The following USP53 variants were observed in gnomAD, a reference collection of about 807,000 sequenced individuals.
USP53 encodes ubiquitin carboxyl-terminal hydrolase 53.
Under a neutral mutation model 94.9 loss-of-function variants are expected in USP53, and 71 were observed. That is an observed-to-expected ratio of 0.75 (90% CI 0.62 to 0.91). USP53 has a LOEUF of 0.91. Among genes scored for constraint, USP53 ranks in the 40% least tolerant of loss-of-function variants. USP53 has a pLI of 0.00. For synonymous variants in USP53, 375 were observed against 422.7 expected, an observed-to-expected ratio of 0.89 and a Z score of 1.39; for missense variants, 1,173 against 1,281.0, an observed-to-expected ratio of 0.92 and a Z score of 1.29.
chr4:119,224,510 ATGT>A (rs1744989479), intron 3 of USP53, among the ~76,000 whole-genome samples: 1 of 152,226 alleles, frequency 6.6e-6, no homozygotes, highest in Admixed American at 6.5e-5. Flanking sequence ...GTGCATTTAA[ATGT>A]TGTGGAGTTA....
chr4:119,270,336 G>A (rs1751691762), intron 15 of USP53, among the ~76,000 whole-genome samples: 2 of 151,882 alleles, frequency 1.3e-5, no homozygotes, highest in South Asian at 2.1e-4. Flanking sequence ...GGCCTCAAAC[G>A]ATCCTCTTAC....
At chr4:119,216,359 C>T (rs138533353) in intron 2 of USP53, among the ~76,000 whole-genome samples, 475 of 147,790 alleles carry the variant, frequency 3.2e-3, no homozygotes, top group African/African-American at 4.8e-3. Flanking sequence ...ACATCCTGGG[C>T]GACCGAGTGA....
At position 119,235,282 on chromosome 4, in the gene USP53, G is replaced by C. The variant is rs1159735809; in HGVS notation, c.-664-8G>C. On this transcript the variant is annotated splice_polypyrimidine_tract_variant and splice_region_variant and intron_variant, in intron 3 of 18. Transcript: ENST00000692078. The stretch of plus-strand genomic sequence containing the variant: ...CCCAGAGTTTTTGTTGTTGTTGTTT[G>C]TTTTTAGAGACAGCATCTTGCTGCC... 2.6e-5 allele frequency: 4 copies of C among 152,172 alleles called. No homozygotes were observed. Among genetic ancestry groups the C allele is most frequent in the Admixed American group, 2.6e-4 (4 of 15,260 alleles). The allele number at this position is 152,172 out of a possible 1,614,324, so 9.4% of individuals were successfully genotyped here.
At chr4:119,237,541 A>G (rs1009564190) in intron 4 of USP53, among the ~76,000 whole-genome samples, 3 of 145,662 alleles carry the variant, frequency 2.1e-5, no homozygotes, top group African/African-American at 7.4e-5. Context: ...GTTTGAAAAA[A>G]TTAAAAAATA....
At chr4:119,285,359 A>G (rs1753979539) in intron 17 of USP53, among the ~76,000 whole-genome samples, 1 of 151,896 alleles carries the variant, frequency 6.6e-6, no homozygotes, top group South Asian at 2.1e-4. Flanking sequence ...TATAGATCAT[A>G]TGTAACAGAT....
intron 13 of USP53, among the ~76,000 whole-genome samples, chr4:119,268,059 CG>C (rs1489807428): frequency 4.7e-5 from 7 of 149,952 alleles, no homozygotes; most frequent in African/African-American, 1.7e-4. Context: ...CCCAGCTACT[CG>C]GGAGGCTGAG....
rs1751437384 is a variant in USP53 at position 119,268,314 on chromosome 4, T to G, written c.1182T>G (p.Asn394Lys). The G allele has an allele frequency of 6.2e-7, 1 of 1,613,356 alleles. No individual in the cohort carries two copies. The highest frequency in any genetic ancestry group is 1.3e-5 in the African/African-American group (1 of 74,890). Residue 394 changes from asparagine (N) to lysine (K), a missense_variant, in exon 14 of 19, where the codon AAT becomes AAG. By Grantham distance (94) the Asn-to-Lys change is moderately conservative. Coordinates refer to ENST00000692078, the MANE Select transcript of USP53 (RefSeq NM_001371395.1). ...ATAAGTCAGATAATTTAAAAGAAAATGGATTTGGTGATCAGGCAAAGCAGA... is the reference window on the plus strand; with the variant it reads ...ATAAGTCAGATAATTTAAAAGAAAAGGGATTTGGTGATCAGGCAAAGCAGA... ...VIHKSDNLKE[N>K]GFGDQAKQRE... is the part of the protein sequence containing the mutation.
intron 3 of USP53, among the ~76,000 whole-genome samples, chr4:119,227,136 T>C (rs1745357065): frequency 6.6e-6 from 1 of 152,122 alleles, no homozygotes; most frequent in African/African-American, 2.4e-5. Context: ...CTGGCTATAA[T>C]CAATTAATTT....
chr4:119,293,623 GGAAGTA>G lies in USP53; in HGVS notation c.*413_*418del, dbSNP rs1260232851. On this transcript the variant is annotated 3_prime_UTR_variant, in exon 19 of 19. Coordinates refer to ENST00000692078, the MANE Select transcript of USP53 (RefSeq NM_001371395.1). Reference sequence around the variant, plus strand: ...CCCCTATTTTGTGGCCAGTAGACTGGGAAGTATTAAACTAACCAGTACTCATGTATG... The same window carrying G: ...CCCCTATTTTGTGGCCAGTAGACTGGTTAAACTAACCAGTACTCATGTATG... The G allele has an allele frequency of 3.8e-5, 6 of 159,270 alleles. No homozygotes were observed. In the East Asian group the frequency reaches 5.5e-4, roughly 15 times the overall value. The allele number at this position is 159,270 out of a possible 1,614,324, so 9.9% of individuals were successfully genotyped here.
At chr4:119,262,066 C>A (rs552997394) in intron 12 of USP53, among the ~76,000 whole-genome samples, 1 of 152,074 alleles carries the variant, frequency 6.6e-6, no homozygotes, top group African/African-American at 2.4e-5. Flanking sequence ...GCTTTTAAAC[C>A]AGTCCATTTC....
chr4:119,213,660 A>ATATATGTGTGTGTGTGTGTGTGTGTGTG lies in USP53; in HGVS notation c.-941-409_-941-408insATATGTGTGTGTGTGTGTGTGTGTGTGT. The stretch of plus-strand genomic sequence containing the variant: ...GAAATAGATATATATATATATATAT[A>ATATATGTGTGTGTGTGTGTGTGTGTGTG]TGTGTGTGTGTGTATGTATGTATGT... On this transcript the variant is annotated intron_variant, in intron 1 of 18. Coordinates refer to ENST00000692078, the MANE Select transcript of USP53 (RefSeq NM_001371395.1). Among the ~76,000 whole-genome samples, 65 of 117,768 alleles carry ATATATGTGTGTGTGTGTGTGTGTGTGTG rather than the reference A, an allele frequency of 5.5e-4. 1 individual carries two copies. The highest frequency in any genetic ancestry group is 2.0e-3 in the African/African-American group (56 of 27,778). The allele number at this position is 117,768 out of a possible 152,430, so 77.3% of individuals were successfully genotyped here.
At chr4:119,287,254 G>C (rs1044797297) in intron 17 of USP53, among the ~76,000 whole-genome samples, 13 of 151,922 alleles carry the variant, frequency 8.6e-5, no homozygotes, top group African/African-American at 2.9e-4. Flanking sequence ...CAGCAATTTA[G>C]TGGAAGTAAA....
rs1343153822 is a variant in USP53 at position 119,294,386 on chromosome 4, A to G, written c.*1175A>G. 2.0e-5 allele frequency: 3 copies of G among 152,176 alleles called. No individual in the cohort carries two copies. Among genetic ancestry groups the G allele is most frequent in the Middle Eastern group, 6.8e-3 (2 of 294 alleles). 9.4% of individuals were successfully genotyped at this position (152,176 alleles called of 1,614,324 possible). A position where few individuals can be genotyped will look rare whatever the true frequency, so the allele number is the denominator to read the frequency against. Reference sequence around the variant, plus strand: ...AACAAATAGTAATTTTACCCCAACTACTTTTCATGAAGAGTGCTTTGAAAA... The same window carrying G: ...AACAAATAGTAATTTTACCCCAACTGCTTTTCATGAAGAGTGCTTTGAAAA... On this transcript the variant is annotated 3_prime_UTR_variant, in exon 19 of 19. Transcript: ENST00000692078.
At chr4:119,248,680 T>G (rs1748567246) in intron 6 of USP53, 68 bp from the exon 7 acceptor site, 2 of 1,557,022 alleles carry the variant, frequency 1.3e-6, no homozygotes, top group Admixed American at 3.8e-5. Flanking sequence ...TTCTCTGTGT[T>G]GTAATGAAAT....
intron 17 of USP53, among the ~76,000 whole-genome samples, chr4:119,289,979 A>C (rs1367260874): frequency 6.6e-6 from 1 of 152,194 alleles, no homozygotes; most frequent in Non-Finnish European, 1.5e-5. Context: ...ATTGTATTAA[A>C]GATTAGAGGG....
upstream of USP53, chr4:119,212,660 G>A (rs935278441): frequency 1.4e-4 from 48 of 353,320 alleles, 1 homozygote; most frequent in Middle Eastern, 1.0e-3. Context: ...GTATGCGCAT[G>A]CTCCGCTCAC....
At chr4:119,254,823 G>A (rs1370008747) in intron 7 of USP53, among the ~76,000 whole-genome samples, 1 of 152,154 alleles carries the variant, frequency 6.6e-6, no homozygotes, top group Non-Finnish European at 1.5e-5. Flanking sequence ...GTAATTTTCA[G>A]CCTTTCTGCT....
chr4:119,240,520 T>C (rs921820235), intron 5 of USP53, among the ~76,000 whole-genome samples: 1 of 152,190 alleles, frequency 6.6e-6, no homozygotes, highest in Admixed American at 6.5e-5. Context: ...ATTTTATAGA[T>C]CCTGTGTCCT....
chr4:119,292,919 T>C lies in USP53; in HGVS notation c.2930T>C (p.Met977Thr), dbSNP rs1754926539. 1 of 1,614,122 alleles carries C rather than the reference T, an allele frequency of 6.2e-7. No homozygotes were observed. The change falls in exon 19 of 19, where the codon ATG (methionine) becomes ACG (threonine). Residue 977 changes from methionine (M) to threonine (T), a missense_variant. By Grantham distance (81) the Met-to-Thr change is moderately conservative. Coordinates refer to ENST00000692078, the MANE Select transcript of USP53 (RefSeq NM_001371395.1). ...SEPSLEVSTH[M>T]NDERHKETFQ... ...CCAAGTTTAGAAGTGAGTACACATA[T>C]GAATGATGAAAGACATAAAGAAACA...
Sources: gnomAD v4.1 joint callset for allele counts (sites outside exome capture counted in the v4.1 genomes callset) on GRCh38, gnomAD v4.1.1 for gene constraint, MANE v1.5 for transcripts, NCBI Gene and HGNC (gene_info 2026-07-23, HGNC 2026-07-21) for gene names.